The following PTK2 variants were observed in gnomAD, a reference collection of about 807,000 sequenced individuals.
PTK2 encodes focal adhesion kinase 1.
Under a neutral mutation model 150.1 loss-of-function variants are expected in PTK2, and 45 were observed. The observed-to-expected ratio is 0.30, with a 90% CI of 0.24 to 0.38. The LOEUF (loss-of-function observed/expected upper bound fraction) is 0.38, where lower values mean the gene tolerates loss of function less well. PTK2 is among the 10% of genes least tolerant of loss of function. The probability of loss-of-function intolerance (pLI) is 1.00; values close to 1 mark genes in which losing one functional copy is unlikely to be tolerated. For missense variants in PTK2, 919 were observed against 1,307.3 expected, an observed-to-expected ratio of 0.70 and a Z score of 4.58; for synonymous variants, 432 against 449.2, an observed-to-expected ratio of 0.96 and a Z score of 0.48.
intron 2 of PTK2, among the ~76,000 whole-genome samples, chr8:140,896,490 A>T (rs1373117894): frequency 2.0e-5 from 3 of 152,252 alleles, no homozygotes; most frequent in African/African-American, 7.2e-5. Context: ...AAAAGCAATC[A>T]GTGTAATTCA....
At chr8:140,758,395 T>C (rs193008522) in intron 16 of PTK2, among the ~76,000 whole-genome samples, 1 of 152,292 alleles carries the variant, frequency 6.6e-6, no homozygotes, top group Non-Finnish European at 1.5e-5. Context: ...CCCCTTCTAC[T>C]TATAAAACAA....
chr8:140,838,212 G>T (rs1342716630), intron 7 of PTK2, among the ~76,000 whole-genome samples: 1 of 152,192 alleles, frequency 6.6e-6, no homozygotes, highest in Non-Finnish European at 1.5e-5. Flanking sequence ...ACCATGAAAT[G>T]AACTAATAAG....
At chr8:140,713,681 G>A (rs1334662652) in intron 23 of PTK2, among the ~76,000 whole-genome samples, 1 of 152,162 alleles carries the variant, frequency 6.6e-6, no homozygotes, top group Non-Finnish European at 1.5e-5. Flanking sequence ...CTGCAGGAAA[G>A]CAACAGGCAC....
intron 31 of PTK2, among the ~76,000 whole-genome samples, chr8:140,661,377 T>G (rs867299245): frequency 6.6e-6 from 1 of 152,068 alleles, no homozygotes; most frequent in Non-Finnish European, 1.5e-5. Context: ...ACCTGAGACC[T>G]GATGAGAGAT....
chr8:140,681,275 C>T (rs887150857), intron 27 of PTK2, among the ~76,000 whole-genome samples: 1 of 151,678 alleles, frequency 6.6e-6, no homozygotes, highest in African/African-American at 2.4e-5. Flanking sequence ...ATCTCTTGAG[C>T]CCGGTAAGCA....
intron 16 of PTK2, among the ~76,000 whole-genome samples, chr8:140,755,175 T>A (rs1003678443): frequency 2.0e-5 from 3 of 152,146 alleles, no homozygotes; most frequent in South Asian, 2.1e-4. Context: ...ATTTTAAGGC[T>A]GCGAATAATA....
rs530967412 is a variant in PTK2 at position 140,847,908 on chromosome 8, C to T, written c.451-1230G>A. Among the ~76,000 whole-genome samples the T allele has an allele frequency of 2.6e-5, 4 of 152,292 alleles. No individual in the cohort carries two copies. In the South Asian group the frequency reaches 8.3e-4, roughly 32 times the overall value. On this transcript the variant is annotated intron_variant, in intron 5 of 31. Transcript: ENST00000522684. ...CACACCAATCTTTGTCTACTTCATA[C>T]TGGATGGTTCCTCATTATGACCGTC...
At chr8:140,976,695 A>G (rs997464316) in intron 1 of PTK2, among the ~76,000 whole-genome samples, 1 of 152,236 alleles carries the variant, frequency 6.6e-6, no homozygotes, top group African/African-American at 2.4e-5. Context: ...AGAAAACAAC[A>G]CAAGTGTTTC....
intron 3 of PTK2, among the ~76,000 whole-genome samples, chr8:140,881,927 G>C (rs2100149342): frequency 6.6e-6 from 1 of 152,206 alleles, no homozygotes. Flanking sequence ...TGCCTGAAGA[G>C]ACTCAGAGTG....
chr8:140,966,350 T>C (rs961710967), intron 1 of PTK2, among the ~76,000 whole-genome samples: 3 of 152,226 alleles, frequency 2.0e-5, no homozygotes, highest in African/African-American at 7.2e-5. Flanking sequence ...TTGCTTTATG[T>C]TTTATTCTAT....
chr8:140,724,752 C>T (rs994073120), intron 22 of PTK2, among the ~76,000 whole-genome samples: 3 of 152,194 alleles, frequency 2.0e-5, no homozygotes, highest in African/African-American at 7.2e-5. Flanking sequence ...TGCTTCACCA[C>T]AAAGGAATGG....
At chr8:140,721,835 C>T (rs1040296187) in intron 22 of PTK2, 1 of 152,186 alleles carries the variant, frequency 6.6e-6, no homozygotes, top group African/African-American at 2.4e-5. Context: ...CCTGAAGCTC[C>T]CTCCTCCCTT....
At chr8:140,903,186 T>C (rs147265314) in intron 2 of PTK2, among the ~76,000 whole-genome samples, 2,864 of 152,060 alleles carry the variant, frequency 0.019, 98 homozygotes, top group African/African-American at 0.064. Context: ...CCAGTTTCAG[T>C]TTTCTACATA....
At chr8:140,937,987 A>G (rs1283953179) in intron 1 of PTK2, among the ~76,000 whole-genome samples, 1 of 152,174 alleles carries the variant, frequency 6.6e-6, no homozygotes, top group Admixed American at 6.5e-5. Flanking sequence ...ACTCAGTACA[A>G]TCTCACTTTT....
chr8:140,935,418 T>C (rs12550497), intron 1 of PTK2, among the ~76,000 whole-genome samples: 63,772 of 151,922 alleles, frequency 0.42, 14,127 homozygotes, highest in South Asian at 0.55. Flanking sequence ...AGAGCATAAA[T>C]AACACCTAGG....
At chr8:140,769,892 A>T (rs2100074578) in intron 14 of PTK2, among the ~76,000 whole-genome samples, 1 of 152,344 alleles carries the variant, frequency 6.6e-6, no homozygotes, top group Non-Finnish European at 1.5e-5. Flanking sequence ...CACACTAAGC[A>T]AAGTTAATTT....
At chr8:140,730,440 T>C (rs1052243816) in intron 22 of PTK2, among the ~76,000 whole-genome samples, 3 of 152,182 alleles carry the variant, frequency 2.0e-5, no homozygotes, top group Admixed American at 6.5e-5. Context: ...ACTGATACCA[T>C]TTACATCATG....
intron 1 of PTK2, among the ~76,000 whole-genome samples, chr8:140,930,836 G>A (rs1048234386): frequency 6.6e-6 from 1 of 152,116 alleles, no homozygotes; most frequent in Admixed American, 6.5e-5. Flanking sequence ...CACTTTGAGA[G>A]GCTGAGGTGG....
At chr8:140,908,414 C>G (rs1398458705) in intron 2 of PTK2, among the ~76,000 whole-genome samples, 1 of 152,212 alleles carries the variant, frequency 6.6e-6, no homozygotes, top group African/African-American at 2.4e-5. Flanking sequence ...TCCAAAAGAT[C>G]TAGCTAACAT....
Sources: gnomAD v4.1 joint callset for allele counts (sites outside exome capture counted in the v4.1 genomes callset) on GRCh38, gnomAD v4.1.1 for gene constraint, MANE v1.5 for transcripts, NCBI Gene and HGNC (gene_info 2026-07-23, HGNC 2026-07-21) for gene names.